SLC22A11: variants seen among roughly 807,000 people sequenced by gnomAD.
The protein encoded by SLC22A11 is solute carrier family 22 member 11.
Under a neutral mutation model 49.4 loss-of-function variants are expected in SLC22A11, and 42 were observed. That is an observed-to-expected ratio of 0.85 (90% CI 0.66 to 1.10). SLC22A11 has a LOEUF of 1.10. Among genes scored for constraint, SLC22A11 ranks in the 50% least tolerant of loss-of-function variants. SLC22A11 has a pLI of 0.00. For missense variants in SLC22A11, 685 were observed against 731.6 expected (o/e 0.94, Z 0.74); for synonymous variants, 304 against 315.8 (o/e 0.96, Z 0.40).
At chr11:64,569,935 G>A (rs2038682646) in intron 9 of SLC22A11, 77 bp downstream of exon 9, 2 of 1,406,584 alleles carry the variant, frequency 1.4e-6, no homozygotes, top group African/African-American at 1.4e-5. Flanking sequence ...GGGCTGCCCA[G>A]GGCAAAGGCT....
rs2038571074 is a variant in SLC22A11 at position 64,562,920 on chromosome 11, C to G, written c.821+485C>G. Among the ~76,000 whole-genome samples, 1 of 152,168 alleles carries G rather than the reference C, an allele frequency of 6.6e-6. No individual in the cohort carries two copies. Among genetic ancestry groups the G allele is most frequent in the Non-Finnish European group, 1.5e-5 (1 of 68,032 alleles). The stretch of plus-strand genomic sequence containing the variant: ...CGTCCTTCCTCAATACTTGCACCAG[C>G]CCCCACCCACCAGCTTCACTCCTTC... On this transcript the variant is annotated intron_variant, in intron 4 of 9. Transcript: ENST00000301891. The surrounding 1 kb of genome is among the most constrained non-coding windows in gnomAD (Gnocchi z 4.4).
In SLC22A11 at chr11:64,567,744, C is replaced by G. The variant is rs758493144; in HGVS notation, c.1204C>G (p.Arg402Gly). The G allele has an allele frequency of 1.9e-6, 3 of 1,613,232 alleles. No homozygotes were observed. The highest frequency in any genetic ancestry group is 2.5e-6 in the Non-Finnish European group (3 of 1,179,920). Residue 402 changes from arginine to glycine, a missense_variant, in exon 7 of 10, where the codon CGC becomes GGC. Arg to Gly is a moderately radical substitution (Grantham distance 125). Transcript: ENST00000301891. ...TALLLSFLGR[R>G]TIQAGSQAMA... ...CCTCTTGCTCAGTTTCCTTGGCCGCCGCACCATCCAGGCGGGTTCCCAGGC... is the reference window on the plus strand; with the variant it reads ...CCTCTTGCTCAGTTTCCTTGGCCGCGGCACCATCCAGGCGGGTTCCCAGGC...
chr11:64,556,115 A>G lies in SLC22A11; in HGVS notation c.116A>G (p.Asn39Ser), dbSNP rs2038450689. The G allele has an allele frequency of 6.2e-7, 1 of 1,614,098 alleles. No homozygotes were observed. Among genetic ancestry groups the G allele is most frequent in the Non-Finnish European group, 8.5e-7 (1 of 1,180,002 alleles). Residue 39 changes from asparagine (N) to serine (S), a missense_variant, in exon 1 of 10, where the codon AAC becomes AGC. Transcript: ENST00000301891. ...ATACCTTCCCAGATGCTCCTGGAGA[A>G]CTTCTCAGCCGCCATCCCAGGCCAC... ...LMIPSQMLLENFSAAIPGHRC... is the reference protein window; with the variant it reads ...LMIPSQMLLESFSAAIPGHRC...
intron 4 of SLC22A11, among the ~76,000 whole-genome samples, chr11:64,563,137 G>C (rs184901376): frequency 6.6e-6 from 1 of 152,114 alleles, no homozygotes; most frequent in Non-Finnish European, 1.5e-5. Flanking sequence ...CAGTGGCCCC[G>C]TGGAGCTTAC....
Position 64,571,070 on chromosome 11 carries a change from G to C in SLC22A11, c.*28G>C. On this transcript the variant is annotated 3_prime_UTR_variant, in exon 10 of 10. Coordinates refer to ENST00000301891, the MANE Select transcript of SLC22A11 (RefSeq NM_018484.4). The stretch of plus-strand genomic sequence containing the variant: ...ATTGTGCCTGCATGGAGCCCCTTTA[G>C]TCAAAGACTCCTGGAAAGGAGTTGC... 5 of 1,613,048 alleles carry C rather than the reference G, an allele frequency of 3.1e-6. No individual in the cohort carries two copies. Among genetic ancestry groups the C allele is most frequent in the Non-Finnish European group, 4.2e-6 (5 of 1,179,008 alleles).
intron 2 of SLC22A11, among the ~76,000 whole-genome samples, 181 bp from the exon 3 acceptor site, chr11:64,561,823 A>G (rs1281593713): frequency 6.6e-6 from 1 of 152,026 alleles, no homozygotes; most frequent in Non-Finnish European, 1.5e-5. Flanking sequence ...TCCCATGGCA[A>G]GGTACCTGCC....
chr11:64,567,693 G>A lies in SLC22A11; in HGVS notation c.1153G>A (p.Asp385Asn). The A allele has an allele frequency of 6.2e-7, 1 of 1,613,976 alleles. No individual in the cohort carries two copies. The highest frequency in any genetic ancestry group is 8.5e-7 in the Non-Finnish European group (1 of 1,180,014). Reference sequence around the variant, plus strand: ...CCTCCAGGCCCTCTTCGGGGCCGTGGACTTCCTGGGCCGGGCCACCACTGC... The same window carrying A: ...CCTCCAGGCCCTCTTCGGGGCCGTGAACTTCCTGGGCCGGGCCACCACTGC... ...FLLQALFGAV[D>N]FLGRATTALL... The change falls in exon 7 of 10, where the codon GAC (aspartate) becomes AAC (asparagine). Residue 385 changes from aspartate (D) to asparagine (N), a missense_variant. Coordinates refer to ENST00000301891, the MANE Select transcript of SLC22A11 (RefSeq NM_018484.4).
rs1309442574 is a variant in SLC22A11, at chr11:64,572,178, CTGTT to C, written c.*1142_*1145del. 6.6e-6 allele frequency: 1 copy of C among 152,270 alleles called. No homozygotes were observed. The highest frequency in any genetic ancestry group is 1.5e-5 in the Non-Finnish European group (1 of 68,092). 9.4% of individuals were successfully genotyped at this position (152,270 alleles called of 1,614,324 possible). On this transcript the variant is annotated 3_prime_UTR_variant, in exon 10 of 10. Coordinates refer to ENST00000301891, the MANE Select transcript of SLC22A11 (RefSeq NM_018484.4). ...CTTTCAACCAAACGGCACCCTTTTG[CTGTT>C]TGTTTTCTGGAGGGGACACCTTTTC...
rs2038611576 is a variant in SLC22A11 at position 64,565,420 on chromosome 11, CA to C, written c.1058+84del. On this transcript the variant is annotated intron_variant, in intron 6 of 9. Coordinates refer to ENST00000301891, the MANE Select transcript of SLC22A11 (RefSeq NM_018484.4). This position sits in a 1 kb window ranked among gnomAD's most constrained non-coding sequence, Gnocchi z 4.1. ...TGGGACAGGCAGGAGGCAGAGCGTC[CA>C]GGGGAAACAGCACCCGCAGGCCTCA... The C allele has an allele frequency of 8.8e-7, 1 of 1,135,964 alleles. No individual in the cohort carries two copies. The highest frequency in any genetic ancestry group is 1.3e-6 in the Non-Finnish European group (1 of 782,224). The allele number at this position is 1,135,964 out of a possible 1,614,324, so 70.4% of individuals were successfully genotyped here.
intron 4 of SLC22A11, among the ~76,000 whole-genome samples, chr11:64,563,639 G>C (rs866747391): frequency 2.1e-5 from 1 of 47,102 alleles, no homozygotes; most frequent in East Asian, 3.0e-4. Context: ...AAAAAAAAAA[G>C]GCCGGGCACA....
At position 64,569,716 on chromosome 11, in the gene SLC22A11, C is replaced by T. The variant is rs1284392617; in HGVS notation, c.1447C>T (p.Leu483=). The T allele has an allele frequency of 1.9e-6, 3 of 1,614,070 alleles. No individual in the cohort carries two copies. In the East Asian group the frequency reaches 6.7e-5, roughly 36 times the overall value. Residue 483 remains leucine (L), a synonymous_variant, in exon 9 of 10, where the codon CTG becomes TTG. Transcript: ENST00000301891. ...GGGGGCTATGATGGGTCCCCTGATC[C>T]TGATGAGCCGCCAAGCCCTGCCCCT... ...RLGAMMGPLI[L]MSRQALPLLP... is the part of the protein sequence containing the mutation.
Position 64,559,149 on chromosome 11 carries a change from C to T in SLC22A11, c.408C>T (p.Cys136=). Residue 136 remains cysteine (C), a synonymous_variant, in exon 2 of 10, where the codon TGC becomes TGT. Coordinates refer to ENST00000301891, the MANE Select transcript of SLC22A11 (RefSeq NM_018484.4). ...STIVAKWDLV[C]SSQGLKPLSQ... is the part of the protein sequence containing the mutation. ...TCCTCTTGCAGTGGGACCTGGTGTG[C>T]AGCTCCCAGGGCTTGAAGCCCCTAA... 3 of 1,613,714 alleles carry T rather than the reference C, an allele frequency of 1.9e-6. No homozygotes were observed. Among genetic ancestry groups the T allele is most frequent in the Non-Finnish European group, 2.5e-6 (3 of 1,179,810 alleles).
rs200593751 is a variant in SLC22A11 at position 64,556,135 on chromosome 11, G to A, written c.136G>A (p.Gly46Ser). Residue 46 changes from glycine (G) to serine (S), a missense_variant, in exon 1 of 10, where the codon GGC becomes AGC. Coordinates refer to ENST00000301891, the MANE Select transcript of SLC22A11 (RefSeq NM_018484.4). ...GGAGAACTTCTCAGCCGCCATCCCA[G>A]GCCACCGATGCTGGACACACATGCT... Reference protein sequence around the residue: ...LLENFSAAIPGHRCWTHMLDN... With the variant: ...LLENFSAAIPSHRCWTHMLDN... The A allele has an allele frequency of 1.5e-4, 236 of 1,614,040 alleles. No homozygotes were observed. The highest frequency in any genetic ancestry group is 1.8e-4 in the Admixed American group (11 of 59,994).
intron 2 of SLC22A11, 150 bp downstream of exon 2, chr11:64,559,388 G>A (rs1405746601): frequency 5.7e-5 from 36 of 632,840 alleles, no homozygotes; most frequent in South Asian, 4.7e-4. Context: ...CTGGCCATCC[G>A]AACCAACCCA....
At chr11:64,557,627 C>CTTTTTTT (rs766276214) in intron 1 of SLC22A11, among the ~76,000 whole-genome samples, 11 of 104,054 alleles carry the variant, frequency 1.1e-4, no homozygotes, top group African/African-American at 2.2e-4. Flanking sequence ...TTTTCTTTCT[C>CTTTTTTT]TTTTTTTTTT....
intron 4 of SLC22A11, among the ~76,000 whole-genome samples, chr11:64,563,044 G>A (rs1163377784): frequency 6.6e-6 from 1 of 152,166 alleles, no homozygotes; most frequent in African/African-American, 2.4e-5. Flanking sequence ...CCCTCCTTGG[G>A]TTGGCACTGA....
intron 8 of SLC22A11, among the ~76,000 whole-genome samples, chr11:64,569,062 A>G (rs1317148770): frequency 1.3e-5 from 2 of 152,206 alleles, no homozygotes; most frequent in Non-Finnish European, 2.9e-5. Context: ...CTGCCCTGGT[A>G]GCAGTGGGGA....
At chr11:64,560,626 G>T (rs1317055182) in intron 2 of SLC22A11, among the ~76,000 whole-genome samples, 1 of 152,144 alleles carries the variant, frequency 6.6e-6, no homozygotes, top group Non-Finnish European at 1.5e-5. Context: ...CTCCTGCCCG[G>T]CCCCAGGCAT....
chr11:64,564,433 G>A lies in SLC22A11; in HGVS notation c.942+5G>A, dbSNP rs746936920. The A allele has an allele frequency of 6.2e-7, 1 of 1,613,932 alleles. No homozygotes were observed. The highest frequency in any genetic ancestry group is 1.1e-5 in the South Asian group (1 of 91,072). Reference sequence around the variant, plus strand: ...GCCAAGAACCTGACCATAGAGGTGAGATGCTGCTGTCTGCGAGACTTGACC... The same window carrying A: ...GCCAAGAACCTGACCATAGAGGTGAAATGCTGCTGTCTGCGAGACTTGACC... On this transcript the variant is annotated splice_donor_5th_base_variant and intron_variant, in intron 5 of 9. Coordinates refer to ENST00000301891, the MANE Select transcript of SLC22A11 (RefSeq NM_018484.4). The surrounding 1 kb of genome is among the most constrained non-coding windows in gnomAD (Gnocchi z 4.2).
Sources: gnomAD v4.1 joint callset for allele counts (sites outside exome capture counted in the v4.1 genomes callset) on GRCh38, gnomAD v4.1.1 for gene constraint, Gnocchi (gnomAD v3.1) non-coding constraint, MANE v1.5 for transcripts, NCBI Gene and HGNC (gene_info 2026-07-23, HGNC 2026-07-21) for gene names.